Variants in AOPEP observed in about 807,000 individuals in gnomAD.
The protein encoded by AOPEP is aminopeptidase O (putative).
A neutral mutation model predicts 98.1 loss-of-function variants in AOPEP; 77 were observed. The ratio of observed to expected loss-of-function variants is 0.78; its 90% CI spans 0.65 to 0.95. AOPEP has a LOEUF of 0.95. Ranked by LOEUF, AOPEP falls within the 40% of genes least tolerant of loss-of-function variation. The pLI, the probability that AOPEP is intolerant of heterozygous loss-of-function variation, is 0.00. For synonymous variants in AOPEP, 346 were observed against 365.3 expected (o/e 0.95, Z 0.60); for missense variants, 1,024 against 1,024.7 (o/e 1.00, Z 0.01).
At chr9:95,099,516 G>T in the AOPEP span, 1 of 229,336 alleles carries the variant, frequency 4.4e-6, no homozygotes, top group African/African-American at 2.2e-5. Flanking sequence ...GCAACAAGAG[G>T]GGGAGGTGGG....
intron 10 of AOPEP, among the ~76,000 whole-genome samples, chr9:94,976,188 CCAGCCTTCCA>C (rs1488063675): frequency 6.6e-6 from 1 of 152,186 alleles, no homozygotes; most frequent in East Asian, 1.9e-4. Context: ...TTTTCCCATC[CCAGCCTTCCA>C]CAGAACCTTT....
chr9:94,837,534 A>G (rs569930999), intron 5 of AOPEP, among the ~76,000 whole-genome samples: 109 of 152,372 alleles, frequency 7.2e-4, no homozygotes, highest in African/African-American at 2.5e-3. Context: ...AACTGAATCC[A>G]ATGGCATATC....
At chr9:94,787,901 C>G (rs929448458) in intron 3 of AOPEP, among the ~76,000 whole-genome samples, 2 of 152,060 alleles carry the variant, frequency 1.3e-5, no homozygotes, top group African/African-American at 4.8e-5. Flanking sequence ...CCTGCATGTC[C>G]TTCAGTAAGA....
the AOPEP span, among the ~76,000 whole-genome samples, chr9:95,130,126 AGGCTCTTGTGCCC>A: frequency 6.6e-6 from 1 of 152,208 alleles, no homozygotes; most frequent in African/African-American, 2.4e-5. Context: ...CAAATTACAC[AGGCTCTTGTGCCC>A]GGTCCTTGAT....
intron 5 of AOPEP, among the ~76,000 whole-genome samples, chr9:94,882,175 A>C (rs914080222): frequency 2.0e-5 from 3 of 152,114 alleles, no homozygotes; most frequent in African/African-American, 7.2e-5. Context: ...TTTTTTCGTC[A>C]TCTTTAAAGG....
At chr9:94,797,779 C>T (rs1040860217) in intron 4 of AOPEP, among the ~76,000 whole-genome samples, 2 of 150,288 alleles carry the variant, frequency 1.3e-5, no homozygotes, top group Admixed American at 6.7e-5. Flanking sequence ...TCTTAGCTCA[C>T]TGCAACTCTG....
chr9:94,744,248 T>C (rs1273858692), intron 1 of AOPEP, among the ~76,000 whole-genome samples: 1 of 151,768 alleles, frequency 6.6e-6, no homozygotes, highest in African/African-American at 2.4e-5. Context: ...AAAAATTAGC[T>C]GGGTGTGGTG....
At chr9:95,127,855 T>C in the AOPEP span, among the ~76,000 whole-genome samples, 679 of 152,320 alleles carry the variant, frequency 4.5e-3, 8 homozygotes, top group African/African-American at 0.015. Flanking sequence ...CCCGCCGGGC[T>C]CCAGGCAGGA....
At chr9:94,988,494 T>G (rs2060660284) in intron 11 of AOPEP, among the ~76,000 whole-genome samples, 1 of 152,112 alleles carries the variant, frequency 6.6e-6, no homozygotes, top group African/African-American at 2.4e-5. Flanking sequence ...ACAGACACAT[T>G]GAAAGTATGA....
intron 4 of AOPEP, among the ~76,000 whole-genome samples, chr9:94,796,583 C>G (rs936960791): frequency 7.2e-5 from 11 of 152,190 alleles, no homozygotes; most frequent in African/African-American, 2.7e-4. Context: ...TCACAGGGGC[C>G]TGCTATACCA....
intron 14 of AOPEP, among the ~76,000 whole-genome samples, chr9:95,064,839 T>C (rs866982594): frequency 6.6e-6 from 1 of 152,242 alleles, no homozygotes; most frequent in Non-Finnish European, 1.5e-5. Flanking sequence ...TAATGATTAA[T>C]AGAACTCTAG....
intron 7 of AOPEP, among the ~76,000 whole-genome samples, chr9:94,953,260 A>C (rs905562942): frequency 2.6e-5 from 4 of 152,222 alleles, no homozygotes; most frequent in African/African-American, 9.6e-5. Context: ...GGGGAGTCTT[A>C]AATGAAGATG....
intron 3 of AOPEP, among the ~76,000 whole-genome samples, chr9:94,790,313 C>T (rs1049157836): frequency 5.3e-5 from 8 of 152,014 alleles, no homozygotes; most frequent in Non-Finnish European, 7.4e-5. Context: ...ATTACAGGCA[C>T]GTGCCATCAC....
chr9:94,869,410 G>C (rs2046074667), intron 5 of AOPEP, among the ~76,000 whole-genome samples: 1 of 152,104 alleles, frequency 6.6e-6, no homozygotes, highest in African/African-American at 2.4e-5. Context: ...CTTGGGTGGG[G>C]TGCATGTAGT....
the AOPEP span, among the ~76,000 whole-genome samples, chr9:95,140,424 G>A: frequency 6.6e-6 from 1 of 152,108 alleles, no homozygotes; most frequent in Non-Finnish European, 1.5e-5. Context: ...TAAAGAAATT[G>A]GTCCAACTGC....
chr9:94,730,190 A>G (rs1382515104), intron 1 of AOPEP, among the ~76,000 whole-genome samples: 1 of 151,640 alleles, frequency 6.6e-6, no homozygotes, highest in Non-Finnish European at 1.5e-5. Context: ...AGGCTGAGGC[A>G]GGAGAATGGC....
downstream of AOPEP, among the ~76,000 whole-genome samples, chr9:95,090,709 G>A (rs2134351551): frequency 6.6e-6 from 1 of 152,310 alleles, no homozygotes; most frequent in Admixed American, 6.5e-5. Flanking sequence ...CACAGCCAGG[G>A]GTATAAGGGC....
chr9:94,985,687 T>A (rs2060474452), intron 11 of AOPEP, among the ~76,000 whole-genome samples: 2 of 152,260 alleles, frequency 1.3e-5, no homozygotes, highest in Admixed American at 1.3e-4. Context: ...TTTATATCTA[T>A]AATAGCAGTT....
At chr9:94,971,430 G>C (rs1043147256) in intron 10 of AOPEP, among the ~76,000 whole-genome samples, 3 of 152,142 alleles carry the variant, frequency 2.0e-5, no homozygotes, top group Non-Finnish European at 4.4e-5. Flanking sequence ...ACTAATCTCA[G>C]AATCTAGTTC....
Sources: allele counts gnomAD v4.1 joint callset (sites outside exome capture counted in the v4.1 genomes callset), GRCh38; gene constraint gnomAD v4.1.1; transcripts MANE v1.5; gene names NCBI Gene and HGNC (gene_info 2026-07-23, HGNC 2026-07-21).